PKP4: variants seen among roughly 807,000 people sequenced by gnomAD.
PKP4 encodes plakophilin 4, also known as plakophilin-4.
Under a neutral mutation model 145.1 loss-of-function variants are expected in PKP4, and 90 were observed. That is an observed-to-expected ratio of 0.62 (90% confidence interval 0.52 to 0.74). PKP4 has a LOEUF of 0.74. PKP4 is among the 30% of genes least tolerant of loss of function. PKP4 has a pLI of 0.00. For synonymous variants in PKP4, 563 were observed against 577.2 expected (o/e 0.98, Z 0.35); for missense variants, 1,340 against 1,482.7 (o/e 0.90, Z 1.58).
chr2:158,585,841 A>T (rs1417573828), intron 3 of PKP4, among the ~76,000 whole-genome samples: 2 of 147,888 alleles, frequency 1.4e-5, no homozygotes, highest in African/African-American at 4.9e-5. Flanking sequence ...GTATATTCAG[A>T]GTTGTGCAAC....
chr2:158,653,992 A>G (rs2105958635), intron 11 of PKP4, among the ~76,000 whole-genome samples: 1 of 152,368 alleles, frequency 6.6e-6, no homozygotes, highest in East Asian at 1.9e-4. Context: ...CGGTCTTAAG[A>G]GAGGTGCTTT....
At chr2:158,491,693 T>G (rs1694962683) in intron 1 of PKP4, among the ~76,000 whole-genome samples, 1 of 152,134 alleles carries the variant, frequency 6.6e-6, no homozygotes, top group South Asian at 2.1e-4. Flanking sequence ...AAATCATCGT[T>G]TGTTCTCCCT....
chr2:158,660,040 G>C (rs2056399001), intron 12 of PKP4: 1 of 152,660 alleles, frequency 6.6e-6, no homozygotes, highest in African/African-American at 2.4e-5. Context: ...AGCTGACAAG[G>C]CTTGCTAATA....
intron 1 of PKP4, among the ~76,000 whole-genome samples, chr2:158,461,700 A>G (rs1199424833): frequency 6.6e-6 from 1 of 152,198 alleles, no homozygotes; most frequent in East Asian, 1.9e-4. Context: ...TTTCTTTGAC[A>G]TCTGAGGCAT....
chr2:158,466,046 C>T (rs962396325), intron 1 of PKP4, among the ~76,000 whole-genome samples: 3 of 152,310 alleles, frequency 2.0e-5, no homozygotes, highest in South Asian at 2.1e-4. Context: ...ATAAATCTCC[C>T]GTCCTGTAGT....
At chr2:158,647,176 T>G (rs940151611) in intron 11 of PKP4, among the ~76,000 whole-genome samples, 2 of 152,224 alleles carry the variant, frequency 1.3e-5, no homozygotes. Flanking sequence ...CCTTAGATTT[T>G]AGTGTTCTGC....
chr2:158,609,817 A>T (rs1168897136), intron 4 of PKP4, among the ~76,000 whole-genome samples: 1 of 152,164 alleles, frequency 6.6e-6, no homozygotes, highest in Non-Finnish European at 1.5e-5. Context: ...AGGAGACTCT[A>T]GCTTGCTTGT....
At position 158,625,095 on chromosome 2, in the gene PKP4, C is replaced by T. The variant is rs543099730; in HGVS notation, c.821C>T (p.Pro274Leu). Residue 274 changes from proline to leucine, a missense_variant, in exon 7 of 22, where the codon CCG becomes CTG. By Grantham distance (98) the Pro-to-Leu change is moderately conservative. Transcript: ENST00000389759. Reference protein sequence around the residue: ...TTLPAARAASPYSQRPASPTA... With the variant: ...TTLPAARAASLYSQRPASPTA... Reference sequence around the variant, plus strand: ...TTACCTGCTGCACGGGCAGCCTCTCCGTACTCACAGAGACCCGCCTCCCCA... The same window carrying T: ...TTACCTGCTGCACGGGCAGCCTCTCTGTACTCACAGAGACCCGCCTCCCCA... The T allele has an allele frequency of 2.4e-5, 39 of 1,614,140 alleles. No homozygotes were observed. The highest frequency in any genetic ancestry group is 2.6e-5 in the Non-Finnish European group (31 of 1,180,000).
chr2:158,604,823 G>A (rs1046618838), intron 4 of PKP4, among the ~76,000 whole-genome samples: 8 of 152,172 alleles, frequency 5.3e-5, no homozygotes, highest in Non-Finnish European at 1.5e-5. Flanking sequence ...TAAACCGATA[G>A]GTCCATGCAT....
intron 2 of PKP4, among the ~76,000 whole-genome samples, chr2:158,572,991 C>T (rs2047535623): frequency 6.6e-6 from 1 of 152,152 alleles, no homozygotes; most frequent in African/African-American, 2.4e-5. Flanking sequence ...TTCGACCAAG[C>T]AATTCCACTT....
chr2:158,492,570 C>G (rs911354270), intron 1 of PKP4, among the ~76,000 whole-genome samples: 1 of 152,088 alleles, frequency 6.6e-6, no homozygotes, highest in East Asian at 1.9e-4. Context: ...CCACCCTGCC[C>G]GGGCTTTGCT....
intron 2 of PKP4, among the ~76,000 whole-genome samples, chr2:158,553,102 G>A (rs183911382): frequency 2.8e-4 from 42 of 152,310 alleles, no homozygotes; most frequent in African/African-American, 8.9e-4. Context: ...CAAGCAGAGC[G>A]TAGAAGGTAC....
chr2:158,556,637 G>A (rs962256644), intron 2 of PKP4, among the ~76,000 whole-genome samples: 11 of 151,824 alleles, frequency 7.2e-5, no homozygotes, highest in Admixed American at 6.6e-4. Context: ...GTCATAGAAG[G>A]CACTGTTTAT....
At position 158,666,561 on chromosome 2, in the gene PKP4, T is replaced by C. The variant is rs1328980437; in HGVS notation, c.2726T>C (p.Ile909Thr). The C allele has an allele frequency of 6.2e-7, 1 of 1,607,880 alleles. No individual in the cohort carries two copies. Among genetic ancestry groups the C allele is most frequent in the South Asian group, 1.1e-5 (1 of 89,332 alleles). Residue 909 changes from isoleucine to threonine, a missense_variant and splice_region_variant, in exon 16 of 22, where the codon ATA (isoleucine) becomes ACA (threonine). Physicochemically the swap from Ile to Thr is moderately conservative, Grantham distance 89. Coordinates refer to ENST00000389759, the MANE Select transcript of PKP4 (RefSeq NM_003628.6). ...CTAGATGTTCGCAACAAGGAGCTCA[T>C]AGGTATGTTCTGGTGACAAGATGAG... ...MALDVRNKEL[I>T]GKYAMRDLVN...
At chr2:158,505,287 G>A (rs1467303937) in intron 1 of PKP4, among the ~76,000 whole-genome samples, 1 of 152,182 alleles carries the variant, frequency 6.6e-6, no homozygotes, top group Non-Finnish European at 1.5e-5. Context: ...TCAAAACTGA[G>A]CTCAGGGACC....
intron 3 of PKP4, among the ~76,000 whole-genome samples, chr2:158,586,488 A>G (rs562035513): frequency 5.1e-4 from 78 of 152,342 alleles, no homozygotes; most frequent in African/African-American, 1.8e-3. Context: ...CAAATATTCT[A>G]AAGCTCCCTA....
chr2:158,510,020 G>A (rs1025346453), intron 1 of PKP4, among the ~76,000 whole-genome samples: 1 of 151,430 alleles, frequency 6.6e-6, no homozygotes, highest in African/African-American at 2.4e-5. Context: ...CTAATGGAAT[G>A]TAGCTTCCTT....
At chr2:158,457,378 TG>T (rs1688929833) in intron 1 of PKP4, 160 bp downstream of exon 1, 1 of 152,142 alleles carries the variant, frequency 6.6e-6, no homozygotes, top group Non-Finnish European at 1.5e-5. Flanking sequence ...GCGGCTTTCC[TG>T]CCCCGCCTCG....
chr2:158,493,409 G>C (rs747409388), intron 1 of PKP4, among the ~76,000 whole-genome samples: 4 of 151,682 alleles, frequency 2.6e-5, no homozygotes, highest in Non-Finnish European at 4.4e-5. Context: ...CCTTAACTTC[G>C]TTTTGATCTA....
Sources: gnomAD v4.1 joint callset for allele counts (sites outside exome capture counted in the v4.1 genomes callset) on GRCh38, gnomAD v4.1.1 for gene constraint, MANE v1.5 for transcripts, NCBI Gene and HGNC (gene_info 2026-07-23, HGNC 2026-07-21) for gene names.